KIAA1671: variants seen among roughly 807,000 people sequenced by gnomAD.
The protein encoded by KIAA1671 is uncharacterized protein KIAA1671.
KIAA1671 carries 52 observed loss-of-function variants against 131.2 expected under a neutral mutation model. The observed-to-expected ratio is 0.40, with a 90% CI of 0.32 to 0.50. The LOEUF is 0.50. KIAA1671 is among the 20% of genes least tolerant of loss of function. The pLI is 0.73. For synonymous variants in KIAA1671, 1,003 were observed against 961.6 expected (o/e 1.04, Z -0.80); for missense variants, 2,360 against 2,364.2 (o/e 1.00, Z 0.04).
At chr22:25,118,006 C>T (rs1176100053) in intron 6 of KIAA1671, among the ~76,000 whole-genome samples, 4 of 151,766 alleles carry the variant, frequency 2.6e-5, no homozygotes, top group Admixed American at 6.6e-5. Context: ...AGTGTGGTGA[C>T]GCATGCCTGT....
intron 1 of KIAA1671, among the ~76,000 whole-genome samples, chr22:25,009,089 G>A (rs1924892822): frequency 6.6e-6 from 1 of 152,154 alleles, no homozygotes; most frequent in African/African-American, 2.4e-5. Flanking sequence ...AAACGGGAAT[G>A]TGGAGTGGAG....
intron 6 of KIAA1671, among the ~76,000 whole-genome samples, chr22:25,107,516 C>T (rs1931080366): frequency 8.4e-6 from 1 of 118,434 alleles, no homozygotes; most frequent in African/African-American, 3.5e-5. Flanking sequence ...ACTCTGTTGC[C>T]CGGGCTGGAG....
At chr22:25,159,917 C>T (rs954118452) in intron 6 of KIAA1671, among the ~76,000 whole-genome samples, 10 of 152,204 alleles carry the variant, frequency 6.6e-5, no homozygotes, top group African/African-American at 2.2e-4. Context: ...TTTATAAAAA[C>T]TGGTTTTATT....
chr22:24,953,352 A>C (rs1173456085), intron 1 of KIAA1671, among the ~76,000 whole-genome samples: 1 of 151,986 alleles, frequency 6.6e-6, no homozygotes, highest in African/African-American at 2.4e-5. Context: ...GGAAGTGGGA[A>C]GCAAGGGCGG....
At position 25,040,579 on chromosome 22, in the gene KIAA1671, C is replaced by T. The variant is rs1372836587; in HGVS notation, c.3449C>T (p.Ala1150Val). 4.5e-5 allele frequency: 70 copies of T among 1,551,654 alleles called. No homozygotes were observed. The highest frequency in any genetic ancestry group is 1.7e-4 in the East Asian group (7 of 40,930). Residue 1150 changes from alanine to valine, a missense_variant, in exon 5 of 13, where the codon GCG (alanine) becomes GTG (valine). By Grantham distance (64) the Ala-to-Val change is moderately conservative. Coordinates refer to ENST00000358431, the MANE Select transcript of KIAA1671 (RefSeq NM_001145206.2). ...PRPQSNWKES[A>V]NKMSPSGGAP... ...CCTCAAAGCAATTGGAAGGAAAGTGCGAACAAGATGTCCCCCAGCGGCGGA... is the reference window on the plus strand; with the variant it reads ...CCTCAAAGCAATTGGAAGGAAAGTGTGAACAAGATGTCCCCCAGCGGCGGA...
intron 1 of KIAA1671, among the ~76,000 whole-genome samples, chr22:24,970,754 C>CAAAAAA: frequency 7.5e-6 from 1 of 134,142 alleles, no homozygotes; most frequent in African/African-American, 2.7e-5. Flanking sequence ...AAACAAAACT[C>CAAAAAA]ATAACATTTT....
chr22:25,164,152 A>T (rs1301778831), intron 6 of KIAA1671, among the ~76,000 whole-genome samples: 1 of 152,112 alleles, frequency 6.6e-6, no homozygotes, highest in Non-Finnish European at 1.5e-5. Context: ...GGTTTTTCAG[A>T]GCATTGTAAC....
intron 1 of KIAA1671, among the ~76,000 whole-genome samples, chr22:25,008,192 C>T (rs1457529199): frequency 1.5e-4 from 13 of 86,442 alleles, no homozygotes; most frequent in Admixed American, 6.0e-4. Flanking sequence ...AGTGAGACTC[C>T]GTCGCAAAAA....
rs1157068409 is a variant in KIAA1671, at chr22:25,039,843, G to C, written c.2713G>C (p.Ala905Pro). 1.1e-5 allele frequency: 17 copies of C among 1,549,024 alleles called. No individual in the cohort carries two copies. The highest frequency in any genetic ancestry group is 1.4e-5 in the Non-Finnish European group (16 of 1,145,498). The change falls in exon 5 of 13, where the codon GCA becomes CCA. Residue 905 changes from alanine (A) to proline (P), a missense_variant. Physicochemically the swap from Ala to Pro is conservative, Grantham distance 27. Transcript: ENST00000358431. ...CTCCCAAGCACGAACACATCCAGAT[G>C]CATTTGCTGTGCAGAAAGGGCCCTT... ...SDSQARTHPD[A>P]FAVQKGPFIV...
Position 25,110,687 on chromosome 22 carries a change from C to T in KIAA1671, c.4531-60133C>T, listed in dbSNP as rs143971995. 4.6e-5 allele frequency among the ~76,000 whole-genome samples: 7 copies of T among 152,296 alleles called. No individual in the cohort carries two copies. The East Asian group carries it at 9.6e-4, about 21-fold the overall frequency. On this transcript the variant is annotated intron_variant, in intron 6 of 12. Transcript: ENST00000358431. The stretch of plus-strand genomic sequence containing the variant: ...CTCCAGGCAGAGGACAGAAAACCTG[C>T]ATGGGTCAGATGAGCGGGGCCTGGC...
chr22:25,193,760 G>C lies in KIAA1671; in HGVS notation c.*1359G>C, dbSNP rs1325199399. 1 of 152,254 alleles carries C rather than the reference G, an allele frequency of 6.6e-6. No individual in the cohort carries two copies. The highest frequency in any genetic ancestry group is 2.4e-5 in the African/African-American group (1 of 41,456). The allele number at this position is 152,254 out of a possible 1,614,324, so 9.4% of individuals were successfully genotyped here. A position where few individuals can be genotyped will look rare whatever the true frequency, so the allele number is the denominator to read the frequency against. ...CACCAGGGACAGCAACTGCAGGGCT[G>C]TGAGGCCGGAGCCCACCTTGTGTCC... On this transcript the variant is annotated 3_prime_UTR_variant, in exon 13 of 13. Transcript: ENST00000358431.
intron 6 of KIAA1671, among the ~76,000 whole-genome samples, chr22:25,067,978 C>T (rs944585088): frequency 2.6e-5 from 4 of 152,280 alleles, no homozygotes; most frequent in East Asian, 3.8e-4. Context: ...AGGCAGCTGG[C>T]ATCATCCCTC....
chr22:25,048,255 G>T (rs1927354179), intron 5 of KIAA1671, among the ~76,000 whole-genome samples: 1 of 152,184 alleles, frequency 6.6e-6, no homozygotes, highest in African/African-American at 2.4e-5. Flanking sequence ...TCCGAGTCTG[G>T]AGTTCCAACA....
At chr22:25,068,160 C>T (rs1200040005) in intron 6 of KIAA1671, among the ~76,000 whole-genome samples, 5 of 151,844 alleles carry the variant, frequency 3.3e-5, no homozygotes, top group African/African-American at 7.2e-5. Context: ...GGAGCAGGGC[C>T]GGCCTTCCGA....
intron 6 of KIAA1671, among the ~76,000 whole-genome samples, chr22:25,109,419 C>T (rs1931217291): frequency 6.6e-6 from 1 of 151,942 alleles, no homozygotes; most frequent in Non-Finnish European, 1.5e-5. Context: ...ATCACTTCTT[C>T]TTTACTCAGA....
At chr22:24,960,394 A>T (rs1453870365) in intron 1 of KIAA1671, among the ~76,000 whole-genome samples, 2 of 151,268 alleles carry the variant, frequency 1.3e-5, no homozygotes, top group Non-Finnish European at 2.9e-5. Flanking sequence ...AAAAATACAA[A>T]AATTAGCCAG....
At chr22:25,185,388 A>G (rs1934442854) in intron 11 of KIAA1671, 3 of 417,690 alleles carry the variant, frequency 7.2e-6, no homozygotes, top group Non-Finnish European at 1.3e-5. Flanking sequence ...CCAGGGCACC[A>G]TTGCTGGAGA....
At chr22:25,093,746 C>CTCTCTCTCTT (rs1930181914) in intron 6 of KIAA1671, among the ~76,000 whole-genome samples, 1 of 121,344 alleles carries the variant, frequency 8.2e-6, no homozygotes, top group Non-Finnish European at 1.7e-5. Flanking sequence ...CACTCTCTCT[C>CTCTCTCTCTT]TCTCTCTCTC....
At chr22:25,004,043 T>C (rs978204913) in intron 1 of KIAA1671, among the ~76,000 whole-genome samples, 1 of 151,690 alleles carries the variant, frequency 6.6e-6, no homozygotes, top group South Asian at 2.1e-4. Flanking sequence ...GGTCTCGGAC[T>C]TCTGACCTTG....
Sources: allele counts gnomAD v4.1 joint callset (sites outside exome capture counted in the v4.1 genomes callset), GRCh38; gene constraint gnomAD v4.1.1; transcripts MANE v1.5; gene names NCBI Gene and HGNC (gene_info 2026-07-23, HGNC 2026-07-21).